Variants in MOB3B observed in about 807,000 individuals in gnomAD.
MOB3B encodes MOB kinase activator-like 2B.
In MOB3B, 7 loss-of-function variants were observed where a neutral mutation model predicts 18.7. The observed-to-expected ratio is 0.37, with a 90% CI of 0.21 to 0.70. The LOEUF (loss-of-function observed/expected upper bound fraction) is 0.70, where lower values mean the gene tolerates loss of function less well. MOB3B is among the 30% of genes least tolerant of loss of function. The probability of loss-of-function intolerance (pLI) is 0.52; values close to 1 mark genes in which losing one functional copy is unlikely to be tolerated. For synonymous variants in MOB3B, 111 were observed against 99.9 expected (o/e 1.11, Z -0.66); for missense variants, 253 against 281.3 (o/e 0.90, Z 0.72).
chr9:27,356,453 TG>T (rs1316411475), intron 3 of MOB3B, among the ~76,000 whole-genome samples: 3 of 152,250 alleles, frequency 2.0e-5, no homozygotes, highest in Non-Finnish European at 1.5e-5. Flanking sequence ...GGCACTGCCT[TG>T]GAGCCCTTTC....
At chr9:27,368,203 CA>C (rs754649377) in intron 2 of MOB3B, among the ~76,000 whole-genome samples, 2 of 152,092 alleles carry the variant, frequency 1.3e-5, no homozygotes, top group South Asian at 2.1e-4. Flanking sequence ...CAAAACAAAA[CA>C]AAACACATGA....
intron 1 of MOB3B, among the ~76,000 whole-genome samples, chr9:27,460,984 G>A (rs1042787623): frequency 1.3e-5 from 2 of 152,152 alleles, no homozygotes; most frequent in Admixed American, 6.5e-5. Flanking sequence ...CACTGAGGCC[G>A]CTGGGATACC....
chr9:27,519,297 T>TAA, intron 1 of MOB3B, among the ~76,000 whole-genome samples: 1 of 152,150 alleles, frequency 6.6e-6, no homozygotes, highest in African/African-American at 2.4e-5. Context: ...ACAGGCGAGG[T>TAA]CTGGTGAGCC....
In MOB3B at chr9:27,370,522, AG is replaced by A. The variant is rs753628366; in HGVS notation, c.419-11287del. Among the ~76,000 whole-genome samples, 16 of 151,252 alleles carry A rather than the reference AG, an allele frequency of 1.1e-4. 2 individuals are homozygous for A. The highest frequency in any genetic ancestry group is 2.6e-4 in the Admixed American group (4 of 15,188). On this transcript the variant is annotated intron_variant, in intron 2 of 3. Transcript: ENST00000262244. ...AAACTCCATCTCAGAAAAAAAAAAA[AG>A]AAAAAAAGAGGGTCCTTTTTCTTTC...
chr9:27,493,658 T>C (rs2131489220), intron 1 of MOB3B, among the ~76,000 whole-genome samples: 1 of 152,184 alleles, frequency 6.6e-6, no homozygotes, highest in South Asian at 2.1e-4. Flanking sequence ...AAAAATTTCA[T>C]GGACACTTGT....
intron 2 of MOB3B, among the ~76,000 whole-genome samples, chr9:27,388,637 A>G (rs747475600): frequency 6.6e-6 from 1 of 151,990 alleles, no homozygotes; most frequent in Non-Finnish European, 1.5e-5. Flanking sequence ...CCAAGTCCCC[A>G]AAGTCCAATG....
intron 1 of MOB3B, among the ~76,000 whole-genome samples, chr9:27,479,572 A>T (rs1264742018): frequency 6.6e-6 from 1 of 152,222 alleles, no homozygotes; most frequent in East Asian, 1.9e-4. Context: ...TAAGAAAAAG[A>T]TAAATAAGCA....
chr9:27,466,312 T>C (rs1279712767), intron 1 of MOB3B, among the ~76,000 whole-genome samples: 3 of 152,188 alleles, frequency 2.0e-5, no homozygotes, highest in African/African-American at 7.2e-5. Flanking sequence ...CCCAACAAGT[T>C]CCTCATCTCC....
At chr9:27,401,603 GCCTCA>G (rs1672933073) in intron 2 of MOB3B, among the ~76,000 whole-genome samples, 1 of 152,148 alleles carries the variant, frequency 6.6e-6, no homozygotes, top group South Asian at 2.1e-4. Flanking sequence ...GTACATTTCT[GCCTCA>G]CCCTTCATCC....
chr9:27,419,076 A>AAAG (rs34066337), intron 2 of MOB3B, among the ~76,000 whole-genome samples: 1 of 151,584 alleles, frequency 6.6e-6, no homozygotes, highest in Non-Finnish European at 1.5e-5. Flanking sequence ...AAAAAAAAAA[A>AAAG]GACTTAGTAA....
intron 2 of MOB3B, among the ~76,000 whole-genome samples, chr9:27,367,188 T>A (rs1821353939): frequency 1.3e-5 from 2 of 152,122 alleles, no homozygotes; most frequent in Admixed American, 1.3e-4. Flanking sequence ...TACCCTGAAA[T>A]CAAAGCTCAA....
chr9:27,446,277 T>A (rs972740557), intron 2 of MOB3B, among the ~76,000 whole-genome samples: 23 of 152,204 alleles, frequency 1.5e-4, no homozygotes, highest in African/African-American at 5.5e-4. Flanking sequence ...TTCAATTCAT[T>A]TACACTTGCA....
intron 2 of MOB3B, among the ~76,000 whole-genome samples, chr9:27,444,270 G>GGAAGGAAGGAAGGAA (rs1822653003): frequency 1.2e-5 from 1 of 84,034 alleles, no homozygotes; most frequent in Non-Finnish European, 2.3e-5. Context: ...GAAGGAAGGA[G>GGAAGGAAGGAAGGAA]GGAGGGAGGG....
intron 2 of MOB3B, among the ~76,000 whole-genome samples, chr9:27,426,560 G>GCT (rs1427837511): frequency 6.6e-6 from 1 of 152,196 alleles, no homozygotes; most frequent in Non-Finnish European, 1.5e-5. Flanking sequence ...TCTGAAGCTC[G>GCT]CTCCAGAGCG....
intron 1 of MOB3B, among the ~76,000 whole-genome samples, chr9:27,527,482 T>C (rs1478751237): frequency 6.6e-6 from 1 of 152,198 alleles, no homozygotes; most frequent in East Asian, 1.9e-4. Flanking sequence ...ACTTCTTTTA[T>C]GTTAAATGGA....
Position 27,326,406 on chromosome 9 carries a change from A to T in MOB3B, c.*4181T>A, listed in dbSNP as rs946176678. 7.5e-6 allele frequency: 3 copies of T among 398,404 alleles called. No individual in the cohort carries two copies. The highest frequency in any genetic ancestry group is 6.2e-5 in the African/African-American group (3 of 48,632). 24.7% of individuals were successfully genotyped at this position (398,404 alleles called of 1,614,324 possible). On this transcript the variant is annotated 3_prime_UTR_variant, in exon 4 of 4. Coordinates refer to ENST00000262244, the MANE Select transcript of MOB3B (RefSeq NM_024761.5). The stretch of plus-strand genomic sequence containing the variant: ...CTGATTAATTGTATTTTCACTTATT[A>T]TATATCATCTTTGGACCTTTCTAAA...
At chr9:27,376,767 T>C (rs2131371212) in intron 2 of MOB3B, among the ~76,000 whole-genome samples, 1 of 152,344 alleles carries the variant, frequency 6.6e-6, no homozygotes, top group African/African-American at 2.4e-5. Context: ...GAAATGCAAA[T>C]TCCCAGGCCT....
chr9:27,355,197 G>A (rs1821167757), intron 3 of MOB3B, among the ~76,000 whole-genome samples: 1 of 152,140 alleles, frequency 6.6e-6, no homozygotes, highest in Non-Finnish European at 1.5e-5. Flanking sequence ...CTCAGTCCAC[G>A]TGAGACAAAA....
At chr9:27,359,376 T>TGGGGGG (rs1192393009) in intron 2 of MOB3B, 140 bp from the exon 3 acceptor site, 2 of 258,102 alleles carry the variant, frequency 7.7e-6, no homozygotes. Context: ...AGTGTGTGTG[T>TGGGGGG]GTGGGGGGGG....
Sources: gnomAD v4.1 joint callset for allele counts (sites outside exome capture counted in the v4.1 genomes callset) on GRCh38, gnomAD v4.1.1 for gene constraint, MANE v1.5 for transcripts, NCBI Gene and HGNC (gene_info 2026-07-23, HGNC 2026-07-21) for gene names.